Variants in MGRN1 observed in about 807,000 individuals in gnomAD.
MGRN1 encodes the protein mahogunin ring finger 1, also known as E3 ubiquitin-protein ligase MGRN1.
In MGRN1, 29 loss-of-function variants were observed where a neutral mutation model predicts 69.2. The ratio of observed to expected loss-of-function variants is 0.42; its 90% CI spans 0.31 to 0.57. The LOEUF (loss-of-function observed/expected upper bound fraction) is 0.57. Ranked by LOEUF, MGRN1 falls within the 20% of genes least tolerant of loss-of-function variation. The pLI is 0.15. For synonymous variants in MGRN1, 470 were observed against 344.2 expected (o/e 1.37, Z -4.04); for missense variants, 998 against 796.2 (o/e 1.25, Z -3.05).
intron 7 of MGRN1, among the ~76,000 whole-genome samples, chr16:4,666,692 G>T (rs551322392): frequency 3.9e-5 from 6 of 152,184 alleles, no homozygotes; most frequent in Admixed American, 6.5e-5. Flanking sequence ...CAGTCCTGCT[G>T]CTCCTTCCGC....
At position 4,688,860 on chromosome 16, in the gene MGRN1, T is replaced by TGG. The variant is rs1159658859; in HGVS notation, c.1684_1685dup (p.Gly563ValfsTer12). The TGG allele has an allele frequency of 6.4e-7, 1 of 1,554,804 alleles. No homozygotes were observed. ...CCACCAGCCCCACCTGGCCTCCACTTGGTGGCCCCAGCCCCGATCCCAGCG... is the reference window on the plus strand; with the variant it reads ...CCACCAGCCCCACCTGGCCTCCACTTGGGGTGGCCCCAGCCCCGATCCCAGCG... On this transcript the variant is annotated frameshift_variant, in exon 17 of 17. Coordinates refer to ENST00000262370, the MANE Select transcript of MGRN1 (RefSeq NM_015246.4). LOFTEE classifies it high-confidence loss of function.
chr16:4,657,019 T>C (rs73516876), intron 4 of MGRN1, among the ~76,000 whole-genome samples: 13,680 of 152,140 alleles, frequency 0.09, 1,326 homozygotes, highest in African/African-American at 0.24. Flanking sequence ...CTGGGAGAAT[T>C]GTAGCCAGGC....
chr16:4,631,906 G>GTT (rs752844095), intron 1 of MGRN1, among the ~76,000 whole-genome samples: 5 of 91,456 alleles, frequency 5.5e-5, no homozygotes, highest in Admixed American at 2.2e-4. Flanking sequence ...CTTCTCAGTT[G>GTT]TTTTTTTTTT....
At chr16:4,642,248 A>T (rs187913067) in intron 1 of MGRN1, among the ~76,000 whole-genome samples, 197 of 151,060 alleles carry the variant, frequency 1.3e-3, no homozygotes, top group Admixed American at 1.9e-3. Context: ...CTCCTGTCTC[A>T]GCCTCCCGAG....
intron 1 of MGRN1, among the ~76,000 whole-genome samples, chr16:4,644,322 T>C (rs1398370391): frequency 6.7e-6 from 1 of 148,938 alleles, no homozygotes; most frequent in Non-Finnish European, 1.5e-5. Flanking sequence ...TTTTTTTTTT[T>C]TTTTGATGGA....
chr16:4,663,391 T>TTCTA (rs150893432), intron 5 of MGRN1, among the ~76,000 whole-genome samples: 2 of 123,176 alleles, frequency 1.6e-5, no homozygotes, highest in East Asian at 5.3e-4. Flanking sequence ...TTTTTTTTTT[T>TTCTA]ACACCTTTAT....
At chr16:4,676,429 C>T (rs957084013) in intron 10 of MGRN1, among the ~76,000 whole-genome samples, 67 of 152,280 alleles carry the variant, frequency 4.4e-4, no homozygotes, top group African/African-American at 1.6e-3. Context: ...TGCCCTGAAC[C>T]GAGTCCAATT....
chr16:4,644,687 T>C (rs2078238482), intron 1 of MGRN1, among the ~76,000 whole-genome samples: 1 of 152,234 alleles, frequency 6.6e-6, no homozygotes, highest in Non-Finnish European at 1.5e-5. Context: ...CAATAGCATC[T>C]ATTTCCAAGT....
intron 10 of MGRN1, among the ~76,000 whole-genome samples, chr16:4,674,653 A>C (rs1334351553): frequency 4.7e-4 from 2 of 4,264 alleles, no homozygotes; most frequent in Middle Eastern, 0.071. Flanking sequence ...TTTTTTTTTG[A>C]GACGGAGTCT....
At position 4,680,030 on chromosome 16, in the gene MGRN1, A is replaced by C; in HGVS notation, c.1066-2A>C. 1 of 1,613,858 alleles carries C rather than the reference A, an allele frequency of 6.2e-7. No homozygotes were observed. Among genetic ancestry groups the C allele is most frequent in the Middle Eastern group, 1.7e-4 (1 of 6,060 alleles). On this transcript the variant is annotated splice_acceptor_variant, in intron 11 of 16. Transcript: ENST00000262370. LOFTEE classifies it high-confidence loss of function. ...TAAAACATATGATTTTTATCTTGAC[A>C]GTGTCCCTTTAAAAAATCAAAGCCG...
At chr16:4,650,328 A>G in intron 1 of MGRN1, 37 bp from the exon 2 acceptor site, 1 of 1,548,016 alleles carries the variant, frequency 6.5e-7, no homozygotes, top group Non-Finnish European at 8.8e-7. Context: ...AAAAAAAAAA[A>G]AAAAAAATCT....
At chr16:4,646,836 G>A (rs1286538096) in intron 1 of MGRN1, among the ~76,000 whole-genome samples, 2 of 152,200 alleles carry the variant, frequency 1.3e-5, no homozygotes, top group East Asian at 1.9e-4. Context: ...AAGGTGCCCT[G>A]GGAGGAGGTT....
intron 8 of MGRN1, among the ~76,000 whole-genome samples, chr16:4,669,919 A>G (rs952108939): frequency 6.6e-6 from 1 of 151,896 alleles, no homozygotes; most frequent in South Asian, 2.1e-4. Flanking sequence ...GCAGTGTTAG[A>G]TCTTGCTAAT....
chr16:4,673,353 C>T, intron 9 of MGRN1, 145 bp from the exon 10 acceptor site: 1 of 1,104,086 alleles, frequency 9.1e-7, no homozygotes, highest in Non-Finnish European at 1.3e-6. Flanking sequence ...TGCTCTGGGG[C>T]AACCTCCCCC....
chr16:4,629,508 A>G (rs776407726), intron 1 of MGRN1, among the ~76,000 whole-genome samples: 2 of 152,278 alleles, frequency 1.3e-5, no homozygotes, highest in African/African-American at 2.4e-5. Context: ...TGGGAGGCCA[A>G]GGTGGGCGGA....
intron 1 of MGRN1, among the ~76,000 whole-genome samples, chr16:4,642,430 T>A (rs1204609178): frequency 6.6e-6 from 1 of 151,712 alleles, no homozygotes; most frequent in Non-Finnish European, 1.5e-5. Flanking sequence ...TCTGAGTAGC[T>A]GGGATTACAG....
intron 1 of MGRN1, among the ~76,000 whole-genome samples, chr16:4,638,417 A>G (rs980079744): frequency 6.6e-6 from 1 of 151,980 alleles, no homozygotes; most frequent in Non-Finnish European, 1.5e-5. Flanking sequence ...GTGAGCCGTG[A>G]TCGTACCACT....
chr16:4,641,172 T>G (rs1156934975), intron 1 of MGRN1, among the ~76,000 whole-genome samples: 1 of 152,144 alleles, frequency 6.6e-6, no homozygotes, highest in Non-Finnish European at 1.5e-5. Flanking sequence ...TGTACACAGC[T>G]CATGCACGCA....
intron 16 of MGRN1, chr16:4,688,173 G>T: frequency 1.0e-6 from 1 of 985,578 alleles, no homozygotes; most frequent in Non-Finnish European, 1.2e-6. Context: ...GTGTCAGGCA[G>T]CCCTGAGGCC....
Sources: allele counts gnomAD v4.1 joint callset (sites outside exome capture counted in the v4.1 genomes callset), GRCh38; gene constraint gnomAD v4.1.1; transcripts MANE v1.5; gene names NCBI Gene and HGNC (gene_info 2026-07-23, HGNC 2026-07-21).